The following HMGN2 variants were observed in gnomAD, a reference collection of about 807,000 sequenced individuals.
HMGN2 encodes the protein high mobility group nucleosomal binding domain 2.
HMGN2 carries 2 observed loss-of-function variants against 16.9 expected under a neutral mutation model. That is an observed-to-expected ratio of 0.12 (90% confidence interval 0.05 to 0.37). The LOEUF (loss-of-function observed/expected upper bound fraction) is 0.37. Among genes scored for constraint, HMGN2 ranks in the 10% least tolerant of loss-of-function variants. The pLI is 1.00. For synonymous variants in HMGN2, 31 were observed against 34.9 expected (o/e 0.89, Z 0.39); for missense variants, 90 against 106.0 (o/e 0.85, Z 0.66).
chr1:26,475,504 C>G lies in HMGN2; in HGVS notation c.*356C>G, dbSNP rs1324149172. ...AATTTGTTTTTATGTCCTCTTCTCC[C>G]TTTCCATCGTTCAGCATAGACTTAA... is the stretch of plus-strand genomic sequence containing the variant. On this transcript the variant is annotated 3_prime_UTR_variant, in exon 6 of 6. Transcript: ENST00000361427. The G allele has an allele frequency of 4.1e-6, 1 of 244,112 alleles. No homozygotes were observed. The highest frequency in any genetic ancestry group is 1.1e-4 in the East Asian group (1 of 9,180). 15.1% of individuals were successfully genotyped at this position (244,112 alleles called of 1,614,324 possible). A position where few individuals can be genotyped will look rare whatever the true frequency, so the allele number is the denominator to read the frequency against.
At chr1:26,474,726 A>C (rs985503166) in intron 5 of HMGN2, 59 bp downstream of exon 5, 2 of 822,946 alleles carry the variant, frequency 2.4e-6, no homozygotes, top group Middle Eastern at 2.2e-4. Context: ...GCTGATATCA[A>C]AAATTTAATT....
chr1:26,475,945 A>T lies in HMGN2; in HGVS notation c.*797A>T. On this transcript the variant is annotated 3_prime_UTR_variant, in exon 6 of 6. Coordinates refer to ENST00000361427, the MANE Select transcript of HMGN2 (RefSeq NM_005517.4). ...TGATTGTTTATGGAAAGTATCTTTAATAAAGCTGGATACAGTTTGGCTTGG... is the reference window on the plus strand; with the variant it reads ...TGATTGTTTATGGAAAGTATCTTTATTAAAGCTGGATACAGTTTGGCTTGG... 3.4e-6 allele frequency: 1 copy of T among 294,144 alleles called. No homozygotes were observed. Among genetic ancestry groups the T allele is most frequent in the Non-Finnish European group, 6.7e-6 (1 of 149,974 alleles). 18.2% of individuals were successfully genotyped at this position (294,144 alleles called of 1,614,324 possible).
In HMGN2 at chr1:26,472,524, G is replaced by C. The variant is rs933368779; in HGVS notation, c.-89G>C. The C allele has an allele frequency of 1.4e-6, 2 of 1,474,826 alleles. No individual in the cohort carries two copies. The highest frequency in any genetic ancestry group is 1.4e-5 in the African/African-American group (1 of 71,470). 91.4% of individuals were successfully genotyped at this position (1,474,826 alleles called of 1,614,324 possible). ...GGAGCCCGAGCAGTGTGAAGAAGAG[G>C]CGAGAACGACCCCCGGACCGACCAA... On this transcript the variant is annotated 5_prime_UTR_variant, in exon 1 of 6. Coordinates refer to ENST00000361427, the MANE Select transcript of HMGN2 (RefSeq NM_005517.4).
Position 26,472,599 on chromosome 1 carries a change from T to TCGC in HMGN2, c.-6_-4dup. ...GTCCAGCACCTACGTCCCGCTGCCG[T>TCGC]CGCCGCCGCCACCATGCCCAAGAGA... On this transcript the variant is annotated 5_prime_UTR_variant, in exon 1 of 6. Transcript: ENST00000361427. 1 of 1,533,428 alleles carries TCGC rather than the reference T, an allele frequency of 6.5e-7. No homozygotes were observed. Among genetic ancestry groups the TCGC allele is most frequent in the Non-Finnish European group, 8.7e-7 (1 of 1,147,346 alleles). 95.0% of individuals were successfully genotyped at this position (1,533,428 alleles called of 1,614,324 possible).
chr1:26,473,705 A>G lies in HMGN2; in HGVS notation c.63A>G (p.Pro21=), dbSNP rs774791048. ...KGDKAKVKDE[P]QRRSARLSAK... ...AACTTTCTCGTTGTCTTTAATAGCC[A>G]CAGAGAAGATCCGCGAGGTTGTCTG... Residue 21 remains proline, a splice_region_variant and synonymous_variant, in exon 3 of 6, where the codon CCA becomes CCG. Transcript: ENST00000361427. The G allele has an allele frequency of 3.1e-6, 5 of 1,613,964 alleles. No individual in the cohort carries two copies. The highest frequency in any genetic ancestry group is 1.7e-5 in the Admixed American group (1 of 60,000).
rs1570378193 is a variant in HMGN2 at position 26,473,318 on chromosome 1, C to CTT, written c.16-164_16-163insTT. On this transcript the variant is annotated intron_variant, in intron 1 of 5. Transcript: ENST00000361427. ...GCTTCTCGGGGTCGGCGAGCCGGAG[C>CTT]TCCTGCGCGCGCTTCGTTCTTATAC... The CTT allele has an allele frequency of 2.4e-5, 14 of 589,350 alleles. 1 individual carries two copies. The East Asian group carries it at 4.0e-4, about 17-fold the overall frequency. The allele number at this position is 589,350 out of a possible 1,614,324, so 36.5% of individuals were successfully genotyped here. A position where few individuals can be genotyped will look rare whatever the true frequency, so the allele number is the denominator to read the frequency against.
intron 5 of HMGN2, 145 bp from the exon 6 acceptor site, chr1:26,474,968 A>AGT: frequency 1.4e-6 from 1 of 689,962 alleles, no homozygotes; most frequent in Non-Finnish European, 2.6e-6. Flanking sequence ...AAAGTTACCT[A>AGT]GTAAGTCATT....
intron 5 of HMGN2, 174 bp downstream of exon 5, chr1:26,474,841 G>A (rs2075597985): frequency 1.6e-6 from 1 of 622,942 alleles, no homozygotes; most frequent in Non-Finnish European, 2.9e-6. Flanking sequence ...GTCAGCTGAA[G>A]GGCATTGTGT....
intron 1 of HMGN2, 61 bp from the exon 2 acceptor site, chr1:26,473,422 G>A: frequency 8.2e-7 from 1 of 1,217,872 alleles, no homozygotes; most frequent in Middle Eastern, 2.0e-4. Context: ...GCACTCTAAA[G>A]TTTGGGAAGT....
chr1:26,473,103 C>T (rs2075585119), intron 1 of HMGN2: 1 of 255,830 alleles, frequency 3.9e-6, no homozygotes, highest in Non-Finnish European at 7.5e-6. Flanking sequence ...ACGAGACGCG[C>T]GCTGTCGCCG....
intron 1 of HMGN2, 127 bp from the exon 2 acceptor site, chr1:26,473,345 AACGTCGGGCTC>A (rs1176284038): frequency 1.2e-5 from 8 of 653,420 alleles, no homozygotes; most frequent in Non-Finnish European, 1.9e-5. Flanking sequence ...TTCTTATACG[AACGTCGGGCTC>A]ACTCATTTAT....
chr1:26,472,534 CCCCCGGACCGACCAAAGCCCGCGCGCCG>C lies in HMGN2; in HGVS notation c.-77_-50del, dbSNP rs1368526582. ...CAGTGTGAAGAAGAGGCGAGAACGA[CCCCCGGACCGACCAAAGCCCGCGCGCCG>C]CTGCATCCCGCGTCCAGCACCTACG... On this transcript the variant is annotated 5_prime_UTR_variant, in exon 1 of 6. Transcript: ENST00000361427. 1.3e-6 allele frequency: 2 copies of C among 1,515,114 alleles called. No individual in the cohort carries two copies. Among genetic ancestry groups the C allele is most frequent in the Admixed American group, 3.9e-5 (2 of 50,990 alleles). 93.9% of individuals were successfully genotyped at this position (1,515,114 alleles called of 1,614,324 possible).
chr1:26,472,447 G>A lies in HMGN2; in HGVS notation c.-166G>A. 3.9e-6 allele frequency: 3 copies of A among 767,298 alleles called. No individual in the cohort carries two copies. The highest frequency in any genetic ancestry group is 4.0e-4 in the Middle Eastern group (1 of 2,528). 47.5% of individuals were successfully genotyped at this position (767,298 alleles called of 1,614,324 possible). On this transcript the variant is annotated 5_prime_UTR_variant, in exon 1 of 6. Coordinates refer to ENST00000361427, the MANE Select transcript of HMGN2 (RefSeq NM_005517.4). ...TGAACGGCGGCGGGAGGTGAAATCC[G>A]GTTCTAACCGGTCCGGGGCTCCCAG...
At position 26,476,282 on chromosome 1, in the gene HMGN2, C is replaced by A. The variant is rs975583540; in HGVS notation, c.*1134C>A. 3.9e-5 allele frequency among the ~76,000 whole-genome samples: 6 copies of A among 152,132 alleles called. 1 individual carries two copies. The highest frequency in any genetic ancestry group is 8.8e-5 in the Non-Finnish European group (6 of 68,024). ...TATTAAATGCAGATTTTTGGTAGAT[C>A]TGCGGTTTTGGCTGGGTAGCTGACA... On this transcript the variant is annotated 3_prime_UTR_variant, in exon 6 of 6. Transcript: ENST00000361427.
At chr1:26,473,589 A>C in intron 2 of HMGN2, 62 bp downstream of exon 2, 1 of 1,551,034 alleles carries the variant, frequency 6.4e-7, no homozygotes, top group Non-Finnish European at 8.9e-7. Context: ...GGACTCGGTG[A>C]TTAACCGTAA....
intron 2 of HMGN2, 38 bp downstream of exon 2, chr1:26,473,565 T>C: frequency 1.3e-6 from 2 of 1,576,762 alleles, no homozygotes; most frequent in Non-Finnish European, 1.7e-6. Flanking sequence ...AGCCTTGGAC[T>C]AGCAGAGGCC....
intron 1 of HMGN2, chr1:26,473,102 G>T: frequency 4.0e-6 from 1 of 252,228 alleles, no homozygotes; most frequent in Non-Finnish European, 7.6e-6. Context: ...CACGAGACGC[G>T]CGCTGTCGCC....
Position 26,476,543 on chromosome 1 carries a change from T to C in HMGN2, c.*1395T>C, listed in dbSNP as rs559561278. Among the ~76,000 whole-genome samples, 5 of 152,330 alleles carry C rather than the reference T, an allele frequency of 3.3e-5. No individual in the cohort carries two copies. Among genetic ancestry groups the C allele is most frequent in the Admixed American group, 3.3e-4 (5 of 15,304 alleles). ...AGTGAAATGGCAAGAAGTTATTTGT[T>C]AGAATATGGAACTGGTAACAAATTC... On this transcript the variant is annotated 3_prime_UTR_variant, in exon 6 of 6. Transcript: ENST00000361427.
chr1:26,473,223 C>T (rs781102220), intron 1 of HMGN2: 7 of 506,484 alleles, frequency 1.4e-5, no homozygotes, highest in South Asian at 2.5e-5. Flanking sequence ...CCATCTGCAG[C>T]TGTTGCTCCT....
Sources: gnomAD v4.1 joint callset for allele counts (sites outside exome capture counted in the v4.1 genomes callset) on GRCh38, gnomAD v4.1.1 for gene constraint, MANE v1.5 for transcripts, NCBI Gene and HGNC (gene_info 2026-07-23, HGNC 2026-07-21) for gene names.